The following ZNF804B variants were observed in gnomAD, a reference collection of about 807,000 sequenced individuals.
ZNF804B encodes zinc finger protein 804B.
A neutral mutation model predicts 101.4 loss-of-function variants in ZNF804B; 80 were observed. The ratio of observed to expected loss-of-function variants is 0.79; its 90% confidence interval spans 0.66 to 0.95. ZNF804B has a LOEUF of 0.95. ZNF804B is among the 40% of genes least tolerant of loss of function. ZNF804B has a pLI of 0.00. For synonymous variants in ZNF804B, 622 were observed against 558.8 expected, an observed-to-expected ratio of 1.11 and a Z score of -1.59; for missense variants, 1,673 against 1,561.9, an observed-to-expected ratio of 1.07 and a Z score of -1.20.
chr7:89,120,877 T>C (rs1482693308), intron 1 of ZNF804B, among the ~76,000 whole-genome samples: 1 of 152,146 alleles, frequency 6.6e-6, no homozygotes, highest in African/African-American at 2.4e-5. Context: ...GAGGTAGACG[T>C]TCAAATATGT....
chr7:89,292,707 A>G (rs1299326430), intron 2 of ZNF804B, among the ~76,000 whole-genome samples: 1 of 84,086 alleles, frequency 1.2e-5, no homozygotes, highest in Non-Finnish European at 2.8e-5. Context: ...CTTACTTACC[A>G]ATAACATCGA....
At chr7:88,871,761 C>G (rs536895358) in intron 1 of ZNF804B, among the ~76,000 whole-genome samples, 1 of 151,920 alleles carries the variant, frequency 6.6e-6, no homozygotes, top group Non-Finnish European at 1.5e-5. Flanking sequence ...GTCAGGAGTT[C>G]GAGACCAGCC....
At position 89,335,794 on chromosome 7, in the gene ZNF804B, C is replaced by A. The variant is rs143150959; in HGVS notation, c.2812C>A (p.Gln938Lys). The A allele has an allele frequency of 3.8e-3, 6,118 of 1,613,982 alleles. 22 individuals are homozygous for A. The highest frequency in any genetic ancestry group is 4.4e-3 in the Non-Finnish European group (5,242 of 1,179,938). The change falls in exon 4 of 4, where the codon CAA becomes AAA. Residue 938 changes from glutamine to lysine, a missense_variant. Coordinates refer to ENST00000333190, the MANE Select transcript of ZNF804B (RefSeq NM_181646.5). The stretch of plus-strand genomic sequence containing the variant: ...AGAAAGAGTACAAGCCAAGAAATGT[C>A]AAGAACAATCAAGTAATGTTGAGAT... ...LLERVQAKKCQEQSSNVEISS... is the reference protein window; with the variant it reads ...LLERVQAKKCKEQSSNVEISS...
intron 1 of ZNF804B, among the ~76,000 whole-genome samples, chr7:88,775,872 G>T (rs1790133327): frequency 6.6e-6 from 1 of 152,168 alleles, no homozygotes; most frequent in African/African-American, 2.4e-5. Context: ...GGGCTTTGTG[G>T]TATAGTTTAT....
Position 89,336,426 on chromosome 7 carries a change from A to G in ZNF804B, c.3444A>G (p.Ile1148Met). ...CTCCCCCTTTAATTCAACAGCCCAT[A>G]ACATTTTCTCCTGACGAAATAGATA... ...SISPPLIQQP[I>M]TFSPDEIDKY... Residue 1148 changes from isoleucine (I) to methionine (M), a missense_variant, in exon 4 of 4, where the codon ATA becomes ATG. Physicochemically the swap from Ile to Met is conservative, Grantham distance 10. Transcript: ENST00000333190. 1.9e-6 allele frequency: 3 copies of G among 1,614,118 alleles called. No individual in the cohort carries two copies. Among genetic ancestry groups the G allele is most frequent in the Non-Finnish European group, 1.7e-6 (2 of 1,180,010 alleles).
In ZNF804B at chr7:89,195,631, G is replaced by A. The variant is rs535168911; in HGVS notation, c.109-22524G>A. Among the ~76,000 whole-genome samples the A allele has an allele frequency of 4.1e-3, 584 of 143,280 alleles. 2 individuals carry two copies. The highest frequency in any genetic ancestry group is 0.014 in the African/African-American group (553 of 38,566). The allele number at this position is 143,280 out of a possible 152,430, so 94.0% of individuals were successfully genotyped here. A position where few individuals can be genotyped will look rare whatever the true frequency, so the allele number is the denominator to read the frequency against. Reference sequence around the variant, plus strand: ...AAAATACCTAGGAATCCAACTTACAGGGGATGTGAAGGACCTCTTCAAGGA... The same window carrying A: ...AAAATACCTAGGAATCCAACTTACAAGGGATGTGAAGGACCTCTTCAAGGA... On this transcript the variant is annotated intron_variant, in intron 1 of 3. Transcript: ENST00000333190.
At chr7:88,856,015 G>A (rs1365702241) in intron 1 of ZNF804B, among the ~76,000 whole-genome samples, 1 of 152,172 alleles carries the variant, frequency 6.6e-6, no homozygotes, top group Non-Finnish European at 1.5e-5. Flanking sequence ...TAGCCTTGTA[G>A]TATAGTTTGA....
chr7:89,134,553 C>T (rs959761210), intron 1 of ZNF804B, among the ~76,000 whole-genome samples: 4 of 152,090 alleles, frequency 2.6e-5, no homozygotes, highest in African/African-American at 9.7e-5. Flanking sequence ...GCACCTACCT[C>T]TTCATGCATA....
intron 2 of ZNF804B, among the ~76,000 whole-genome samples, chr7:89,248,064 T>C (rs1789478267): frequency 6.6e-6 from 1 of 151,900 alleles, no homozygotes; most frequent in East Asian, 1.9e-4. Flanking sequence ...AAAAAAAAAG[T>C]TTTAAAAACA....
intron 2 of ZNF804B, among the ~76,000 whole-genome samples, chr7:89,301,371 A>T (rs1790471894): frequency 6.6e-6 from 1 of 151,480 alleles, no homozygotes; most frequent in Admixed American, 6.6e-5. Flanking sequence ...TGCTGATGTG[A>T]CTCATTATTT....
chr7:89,243,150 A>G (rs1340116288), intron 2 of ZNF804B, among the ~76,000 whole-genome samples: 3 of 151,858 alleles, frequency 2.0e-5, no homozygotes, highest in Non-Finnish European at 4.4e-5. Flanking sequence ...TTTGTTAATT[A>G]AAAGAAGTCC....
At chr7:89,079,664 A>G (rs944936011) in intron 1 of ZNF804B, among the ~76,000 whole-genome samples, 4 of 152,054 alleles carry the variant, frequency 2.6e-5, no homozygotes, top group African/African-American at 7.2e-5. Flanking sequence ...AAGTCAAAAA[A>G]CAAAAACAAA....
chr7:89,022,092 G>A (rs12669928), intron 1 of ZNF804B, among the ~76,000 whole-genome samples: 1 of 151,444 alleles, frequency 6.6e-6, no homozygotes, highest in East Asian at 1.9e-4. Flanking sequence ...CTTGACTTCA[G>A]GTTGATCTCA....
At chr7:88,975,978 T>C in intron 1 of ZNF804B, among the ~76,000 whole-genome samples, 1 of 151,734 alleles carries the variant, frequency 6.6e-6, no homozygotes, top group East Asian at 1.9e-4. Flanking sequence ...GGGTTCATTC[T>C]TCTGCATATG....
chr7:88,904,281 T>C (rs982622274), intron 1 of ZNF804B, among the ~76,000 whole-genome samples: 3 of 152,158 alleles, frequency 2.0e-5, no homozygotes, highest in Non-Finnish European at 4.4e-5. Context: ...GACTTATTTC[T>C]GAGTTTTATA....
At chr7:88,898,622 C>T (rs900734924) in intron 1 of ZNF804B, among the ~76,000 whole-genome samples, 8 of 152,274 alleles carry the variant, frequency 5.3e-5, no homozygotes, top group Non-Finnish European at 7.4e-5. Flanking sequence ...AGGACCCTCC[C>T]GCTGTTATTA....
At chr7:89,308,266 A>G (rs372221880) in intron 2 of ZNF804B, among the ~76,000 whole-genome samples, 3 of 152,176 alleles carry the variant, frequency 2.0e-5, no homozygotes, top group African/African-American at 4.8e-5. Flanking sequence ...TCTGTGAGCA[A>G]TACTAGTGAA....
chr7:89,100,410 T>G (rs1790037100), intron 1 of ZNF804B, among the ~76,000 whole-genome samples: 2 of 152,152 alleles, frequency 1.3e-5, no homozygotes, highest in Admixed American at 1.3e-4. Context: ...TGGGCAAAGA[T>G]TTCTTGAGTA....
intron 1 of ZNF804B, among the ~76,000 whole-genome samples, chr7:89,061,571 T>C (rs949734058): frequency 2.6e-5 from 4 of 152,144 alleles, no homozygotes; most frequent in Non-Finnish European, 4.4e-5. Context: ...GGCAGCACTA[T>C]TGTGGATAAG....
Sources: allele counts gnomAD v4.1 joint callset (sites outside exome capture counted in the v4.1 genomes callset), GRCh38; gene constraint gnomAD v4.1.1; transcripts MANE v1.5; gene names NCBI Gene and HGNC (gene_info 2026-07-23, HGNC 2026-07-21).